DNAH3: variants seen among roughly 807,000 people sequenced by gnomAD.
DNAH3 encodes the protein axonemal beta dynein heavy chain 3.
A neutral mutation model predicts 432.5 loss-of-function variants in DNAH3; 332 were observed. The observed-to-expected ratio is 0.77, with a 90% CI of 0.70 to 0.84. DNAH3 has a LOEUF of 0.84. Ranked by LOEUF, DNAH3 falls within the 40% of genes least tolerant of loss-of-function variation. DNAH3 has a pLI of 0.00. For synonymous variants in DNAH3, 1,956 were observed against 1,900.2 expected (o/e 1.03, Z -0.76); for missense variants, 4,861 against 5,114.0 (o/e 0.95, Z 1.51).
At chr16:20,997,936 G>T (rs1016025174) in intron 43 of DNAH3, among the ~76,000 whole-genome samples, 5 of 152,072 alleles carry the variant, frequency 3.3e-5, no homozygotes, top group African/African-American at 1.2e-4. Context: ...GAGCCTCGGA[G>T]GCAGAGGTTG....
exon 48 of DNAH3, chr16:20,985,193 T>C (rs1331078251): frequency 1.9e-6 from 3 of 1,614,194 alleles, no homozygotes; most frequent in Non-Finnish European, 2.5e-6. Flanking sequence ...GCAGGGAAGA[T>C]GTTAGGCACG....
At chr16:21,051,603 C>A (rs2089956941) in intron 29 of DNAH3, 67 bp downstream of exon 29, 2 of 1,519,076 alleles carry the variant, frequency 1.3e-6, no homozygotes, top group Middle Eastern at 2.4e-4. Context: ...CCTAACTTTC[C>A]TCCCCAGAGT....
At chr16:21,112,125 AACAC>A (rs773771071) in intron 12 of DNAH3, 27 bp from the exon 13 acceptor site, 1 of 1,490,622 alleles carries the variant, frequency 6.7e-7, no homozygotes, top group African/African-American at 1.4e-5. Flanking sequence ...TGTGAAATCA[AACAC>A]ACAAATATAA....
chr16:21,057,969 T>A, intron 27 of DNAH3, 117 bp downstream of exon 27: 2 of 711,978 alleles, frequency 2.8e-6, no homozygotes, highest in East Asian at 2.6e-5. Context: ...ATGTCTGTGA[T>A]GCTGAGACCA....
At chr16:20,942,327 C>A (rs748479547) in intron 58 of DNAH3, among the ~76,000 whole-genome samples, 7 of 152,310 alleles carry the variant, frequency 4.6e-5, no homozygotes, top group Non-Finnish European at 1.0e-4. Context: ...AAGCACAGAA[C>A]CCTCAGCTTA....
chr16:21,124,401 C>T (rs962256610), intron 9 of DNAH3, among the ~76,000 whole-genome samples: 2 of 152,156 alleles, frequency 1.3e-5, no homozygotes, highest in African/African-American at 4.8e-5. Context: ...TACTTCTGTA[C>T]ATTTTTACCA....
In DNAH3 at chr16:21,069,597, G is replaced by A. The variant is rs772393257; in HGVS notation, c.3202-3C>T. 27 of 1,609,618 alleles carry A rather than the reference G, an allele frequency of 1.7e-5. No homozygotes were observed. Among genetic ancestry groups the A allele is most frequent in the Non-Finnish European group, 2.3e-5 (27 of 1,178,064 alleles). On this transcript the variant is annotated splice_polypyrimidine_tract_variant and splice_region_variant and intron_variant, in intron 22 of 61. Transcript: ENST00000261383. ...CGAATTAGCTTTTCTTCCCATTTCT[G>A]TGAATTTAGCATTTCATATCTGGAT...
intron 21 of DNAH3, among the ~76,000 whole-genome samples, chr16:21,074,206 G>T (rs2090895474): frequency 6.6e-6 from 1 of 152,170 alleles, no homozygotes; most frequent in Non-Finnish European, 1.5e-5. Context: ...AATAGGGAAA[G>T]AAGTCACAAG....
At chr16:21,103,354 T>TGGGG (rs553390308) in intron 16 of DNAH3, among the ~76,000 whole-genome samples, 21 of 67,592 alleles carry the variant, frequency 3.1e-4, no homozygotes, top group East Asian at 1.4e-3. Flanking sequence ...GGTGTGTGTG[T>TGGGG]GGGGGGGGGC....
At chr16:20,975,409 C>T in exon 51 of DNAH3, 1 of 1,613,646 alleles carries the variant, frequency 6.2e-7, no homozygotes, top group Non-Finnish European at 8.5e-7. Context: ...CTTTGCATAA[C>T]CGCTACCTAG....
chr16:20,972,373 T>A (rs567350263), intron 51 of DNAH3, among the ~76,000 whole-genome samples: 1 of 152,104 alleles, frequency 6.6e-6, no homozygotes, highest in East Asian at 1.9e-4. Flanking sequence ...ACCGCAGGTG[T>A]GCTCCACTGC....
At chr16:21,053,755 C>A (rs2090037754) in intron 28 of DNAH3, among the ~76,000 whole-genome samples, 1 of 152,082 alleles carries the variant, frequency 6.6e-6, no homozygotes, top group Admixed American at 6.6e-5. Flanking sequence ...CCAGCCTGGT[C>A]CAGCCCTAGT....
chr16:20,935,224 C>G (rs977092174), intron 61 of DNAH3, 124 bp downstream of exon 61: 95 of 1,131,566 alleles, frequency 8.4e-5, no homozygotes, highest in Middle Eastern at 2.5e-4. Flanking sequence ...CTAAATGCTT[C>G]ATATGTACCA....
At chr16:21,087,110 C>T (rs2091403355) in intron 18 of DNAH3, 50 bp from the exon 19 acceptor site, 1 of 1,444,758 alleles carries the variant, frequency 6.9e-7, no homozygotes, top group Non-Finnish European at 9.7e-7. Flanking sequence ...GGATGTTAGT[C>T]ATGCGTACCT....
intron 38 of DNAH3, among the ~76,000 whole-genome samples, chr16:21,025,236 G>A (rs1009350740): frequency 7.9e-5 from 12 of 151,778 alleles, no homozygotes; most frequent in Non-Finnish European, 1.0e-4. Context: ...CACCTCGCCC[G>A]GCCTGTTCCT....
intron 20 of DNAH3, among the ~76,000 whole-genome samples, chr16:21,075,897 C>G (rs1214266789): frequency 1.5e-5 from 1 of 64,960 alleles, no homozygotes; most frequent in Non-Finnish European, 2.7e-5. Context: ...CTCTGGAAAA[C>G]AGAGTAAACC....
chr16:21,010,114 T>C (rs187762544), intron 41 of DNAH3, among the ~76,000 whole-genome samples: 1 of 152,270 alleles, frequency 6.6e-6, no homozygotes, highest in Admixed American at 6.5e-5. Flanking sequence ...GAGTGAGATA[T>C]ATGTATCAAA....
At chr16:20,972,561 C>T (rs983204631) in intron 51 of DNAH3, among the ~76,000 whole-genome samples, 4 of 151,760 alleles carry the variant, frequency 2.6e-5, no homozygotes, top group Admixed American at 6.6e-5. Flanking sequence ...GGTTTCCATT[C>T]ACCTCGTGTC....
exon 53 of DNAH3, chr16:20,964,022 C>T (rs768782154): frequency 6.2e-7 from 1 of 1,614,194 alleles, no homozygotes; most frequent in Non-Finnish European, 8.5e-7. Flanking sequence ...CGAGTCTCGT[C>T]AATCTGCGTT....
Sources: gnomAD v4.1 joint callset for allele counts (sites outside exome capture counted in the v4.1 genomes callset) on GRCh38, gnomAD v4.1.1 for gene constraint, MANE v1.5 for transcripts, NCBI Gene and HGNC (gene_info 2026-07-23, HGNC 2026-07-21) for gene names.